EML5: variants seen among roughly 807,000 people sequenced by gnomAD.
EML5 encodes the protein EMAP like 5.
Under a neutral mutation model 250.0 loss-of-function variants are expected in EML5, and 120 were observed. That is an observed-to-expected ratio of 0.48 (90% CI 0.41 to 0.56). EML5 has a LOEUF of 0.56. Ranked by LOEUF, EML5 falls within the 20% of genes least tolerant of loss-of-function variation. The probability of loss-of-function intolerance (pLI) is 0.00; values close to 1 mark genes in which losing one functional copy is unlikely to be tolerated. For synonymous variants in EML5, 771 were observed against 806.5 expected (o/e 0.96, Z 0.75); for missense variants, 2,006 against 2,437.6 (o/e 0.82, Z 3.73).
chr14:88,773,860 T>A (rs571645588), intron 1 of EML5, among the ~76,000 whole-genome samples: 9 of 152,288 alleles, frequency 5.9e-5, no homozygotes, highest in Non-Finnish European at 8.8e-5. Flanking sequence ...GGCTCATGCC[T>A]GTGATCCTAG....
intron 1 of EML5, among the ~76,000 whole-genome samples, chr14:88,787,226 C>A (rs943376812): frequency 6.6e-6 from 1 of 152,056 alleles, no homozygotes. Context: ...TTTTTATATC[C>A]CCATGTACAT....
chr14:88,772,081 C>G (rs1216711475), intron 1 of EML5, among the ~76,000 whole-genome samples: 1 of 152,184 alleles, frequency 6.6e-6, no homozygotes, highest in East Asian at 1.9e-4. Context: ...CCAATCTGCT[C>G]CTCCTTGCCT....
chr14:88,774,313 GC>G (rs1267808565), intron 1 of EML5, among the ~76,000 whole-genome samples: 1 of 152,112 alleles, frequency 6.6e-6, no homozygotes, highest in South Asian at 2.1e-4. Context: ...AGGGCTGCCA[GC>G]TATGTGTCAT....
intron 1 of EML5, among the ~76,000 whole-genome samples, chr14:88,776,207 A>G (rs1427900054): frequency 6.6e-6 from 1 of 152,198 alleles, no homozygotes; most frequent in Non-Finnish European, 1.5e-5. Context: ...CCCAGACACC[A>G]AAGAATATCT....
Position 88,661,736 on chromosome 14 carries a change from G to A in EML5, c.3593C>T (p.Ala1198Val). ...CATTTTGTCACTGGTGAGGCAAGAAGCAGTTACATCTGTAACTTCTCCAAT... is the reference window on the plus strand; with the variant it reads ...CATTTTGTCACTGGTGAGGCAAGAAACAGTTACATCTGTAACTTCTCCAAT... The part of the protein sequence containing the change: ...PVIGEVTDVT[A>V]SCLTSDKMVL... The change falls in exon 25 of 44, where the codon GCT (alanine) becomes GTT (valine). Residue 1198 changes from alanine to valine, a missense_variant. By Grantham distance (64) the Ala-to-Val change is moderately conservative. Around this residue, in one of 7 missense-constraint regions of EML5, gnomAD observed 1,375 missense variants for 1,590.3 expected, o/e 0.86. Coordinates refer to ENST00000554922, the MANE Select transcript of EML5 (RefSeq NM_183387.3). 1.2e-6 allele frequency: 2 copies of A among 1,613,694 alleles called. No homozygotes were observed.
intron 11 of EML5, 80 bp downstream of exon 11, chr14:88,706,179 C>G: frequency 1.5e-6 from 2 of 1,341,572 alleles, no homozygotes; most frequent in South Asian, 3.3e-5. Context: ...CCAGATTATA[C>G]TTTAATATAA....
chr14:88,746,189 T>A lies in EML5; in HGVS notation c.452A>T (p.Asp151Val). The A allele has an allele frequency of 6.2e-7, 1 of 1,611,288 alleles. No homozygotes were observed. The highest frequency in any genetic ancestry group is 8.5e-7 in the Non-Finnish European group (1 of 1,178,002). ...ATCTCAAAAGAGAATACTTACTCTA[T>A]CTGTATGACCAGGAGCCATAGACAA... ...KMLSMAPGHT[D>V]RIFDISWDLY... Residue 151 changes from aspartate (D) to valine (V), a missense_variant, in exon 3 of 44, where the codon GAT (aspartate) becomes GTT (valine). Transcript: ENST00000554922.
chr14:88,687,369 T>C (rs766852738), intron 18 of EML5, 42 bp from the exon 19 acceptor site: 2 of 1,363,394 alleles, frequency 1.5e-6, no homozygotes, highest in South Asian at 2.8e-5. Context: ...GATCTAAATA[T>C]TTTTTAAAAT....
chr14:88,771,156 A>G (rs920602926), intron 1 of EML5, among the ~76,000 whole-genome samples: 3 of 152,202 alleles, frequency 2.0e-5, no homozygotes, highest in Non-Finnish European at 4.4e-5. Flanking sequence ...AGCACTGTAC[A>G]CTAGTAGAGA....
chr14:88,751,699 T>C (rs1346327428), intron 2 of EML5, among the ~76,000 whole-genome samples: 1 of 151,724 alleles, frequency 6.6e-6, no homozygotes, highest in African/African-American at 2.4e-5. Context: ...GTAAGTAAAG[T>C]GAAAAGAAAA....
At chr14:88,691,261 C>T (rs989740503) in intron 17 of EML5, among the ~76,000 whole-genome samples, 1 of 152,126 alleles carries the variant, frequency 6.6e-6, no homozygotes, top group African/African-American at 2.4e-5. Flanking sequence ...CCTGCCAGAC[C>T]CATTCCCTGG....
chr14:88,740,292 G>C lies in EML5; in HGVS notation c.711+95C>G, dbSNP rs1016574164. 4 of 1,046,682 alleles carry C rather than the reference G, an allele frequency of 3.8e-6. No individual in the cohort carries two copies. In the African/African-American group the frequency reaches 4.8e-5, roughly 12 times the overall value. 64.8% of individuals were successfully genotyped at this position (1,046,682 alleles called of 1,614,324 possible). The stretch of plus-strand genomic sequence containing the variant: ...AAAAGCATTTTCAAGCAACCAAACT[G>C]ACTAGAAACAATATACTATATTACG... On this transcript the variant is annotated intron_variant, in intron 5 of 43. Transcript: ENST00000554922.
At position 88,789,057 on chromosome 14, in the gene EML5, CCTGT is replaced by C. The variant is rs1218134866; in HGVS notation, c.197+3246_197+3249del. On this transcript the variant is annotated intron_variant, in intron 1 of 43. Coordinates refer to ENST00000554922, the MANE Select transcript of EML5 (RefSeq NM_183387.3). Reference sequence around the variant, plus strand: ...TAGCCTGTGTGACGCAGAGCAAGGGCCTGTCTCAGTTTAAAAAAAAAAAAAAGCT... The same window carrying C: ...TAGCCTGTGTGACGCAGAGCAAGGGCCTCAGTTTAAAAAAAAAAAAAAGCT... Among the ~76,000 whole-genome samples, 3 of 151,382 alleles carry C rather than the reference CCTGT, an allele frequency of 2.0e-5. No individual in the cohort carries two copies. The East Asian group carries it at 5.8e-4, about 29-fold the overall frequency.
chr14:88,715,446 T>G (rs914501040), intron 8 of EML5, among the ~76,000 whole-genome samples: 25 of 152,104 alleles, frequency 1.6e-4, no homozygotes, highest in African/African-American at 6.0e-4. Context: ...ACTTCAGAGA[T>G]CCATACTAAA....
chr14:88,703,472 T>C (rs900860058), intron 13 of EML5, among the ~76,000 whole-genome samples: 4 of 152,168 alleles, frequency 2.6e-5, no homozygotes, highest in Non-Finnish European at 4.4e-5. Context: ...CAAGACAAAG[T>C]AGTCAAATCT....
chr14:88,703,617 T>C (rs1277966733), intron 13 of EML5, among the ~76,000 whole-genome samples: 1 of 152,176 alleles, frequency 6.6e-6, no homozygotes, highest in Non-Finnish European at 1.5e-5. Flanking sequence ...AATTAAATCC[T>C]TTTTCAAATT....
intron 14 of EML5, among the ~76,000 whole-genome samples, chr14:88,700,944 T>C (rs1011427232): frequency 1.7e-4 from 26 of 152,172 alleles, no homozygotes; most frequent in African/African-American, 6.3e-4. Flanking sequence ...CATAGTTCTT[T>C]AAATAAGCTG....
intron 27 of EML5, among the ~76,000 whole-genome samples, chr14:88,650,282 G>A (rs12889461): frequency 0.086 from 13,135 of 151,952 alleles, 689 homozygotes; most frequent in Non-Finnish European, 0.12. Flanking sequence ...GTGAAACCCC[G>A]TCTCTACTAA....
At chr14:88,634,587 A>C in intron 32 of EML5, 98 bp from the exon 33 acceptor site, 2 of 662,374 alleles carry the variant, frequency 3.0e-6, no homozygotes, top group Non-Finnish European at 2.3e-6. Context: ...TTATATACAA[A>C]ATTGGTTTTA....
Sources: allele counts gnomAD v4.1 joint callset (sites outside exome capture counted in the v4.1 genomes callset), GRCh38; gene constraint gnomAD v4.1.1; regional missense constraint gnomAD v4.1.1; transcripts MANE v1.5; gene names NCBI Gene and HGNC (gene_info 2026-07-23, HGNC 2026-07-21).